LOC112694756: variants seen among roughly 807,000 people sequenced by gnomAD.
chr16:30,065,938 C>T, the LOC112694756 span: 1 of 153,038 alleles, frequency 6.5e-6, no homozygotes, highest in Non-Finnish European at 1.5e-5. Context: ...GTGAGCGCCC[C>T]TCTTCACGTG....
chr16:30,067,045 G>T, the LOC112694756 span: 9 of 1,577,472 alleles, frequency 5.7e-6, no homozygotes, highest in East Asian at 1.9e-4. Flanking sequence ...AAAGGTACAG[G>T]GGCAGGCCTA....
At chr16:30,065,153 T>G in the LOC112694756 span, among the ~76,000 whole-genome samples, 4 of 152,158 alleles carry the variant, frequency 2.6e-5, no homozygotes, top group African/African-American at 9.7e-5. Context: ...AGGTCTCGCC[T>G]CCGCGCGCCG....
the LOC112694756 span, chr16:30,066,916 GA>G: frequency 4.5e-6 from 7 of 1,550,602 alleles, no homozygotes; most frequent in East Asian, 4.9e-5. Context: ...GCGCAAGCCA[GA>G]AGGGTCCAGC....
chr16:30,070,332 CAGT>C, the LOC112694756 span: 31 of 904,614 alleles, frequency 3.4e-5, no homozygotes, highest in African/African-American at 1.3e-4. Context: ...TCCCTCGTGA[CAGT>C]GGTGTGTGGT....
the LOC112694756 span, chr16:30,066,313 G>A: frequency 6.6e-5 from 10 of 152,522 alleles, no homozygotes; most frequent in African/African-American, 2.2e-4. Flanking sequence ...CCTGGGAAAC[G>A]GGGCGCCCTT....
chr16:30,058,475 CT>C, the LOC112694756 span, among the ~76,000 whole-genome samples: 26 of 148,818 alleles, frequency 1.7e-4, no homozygotes, highest in Non-Finnish European at 2.7e-4. Context: ...TGCTCTGCTT[CT>C]TTTTTTTTTC....
the LOC112694756 span, chr16:30,055,348 C>T: frequency 7.5e-6 from 3 of 399,046 alleles, no homozygotes; most frequent in Non-Finnish European, 1.3e-5. Flanking sequence ...TTCCTACCCC[C>T]TGCCCCACTG....
the LOC112694756 span, chr16:30,068,786 C>A: frequency 6.2e-7 from 1 of 1,614,238 alleles, no homozygotes; most frequent in East Asian, 2.2e-5. Context: ...TGCCCCTCCC[C>A]ACCGTGCTCT....
the LOC112694756 span, among the ~76,000 whole-genome samples, chr16:30,059,371 G>A: frequency 9.4e-4 from 142 of 151,766 alleles, no homozygotes; most frequent in African/African-American, 3.3e-3. Flanking sequence ...GGTGGCGGGC[G>A]CCTGTAGTCC....
At chr16:30,059,454 G>A in the LOC112694756 span, among the ~76,000 whole-genome samples, 3 of 151,780 alleles carry the variant, frequency 2.0e-5, no homozygotes, top group Admixed American at 6.6e-5. Flanking sequence ...AGCCGAGATC[G>A]TGCCACTGCA....
the LOC112694756 span, chr16:30,070,244 C>T: frequency 1.2e-6 from 2 of 1,604,720 alleles, no homozygotes; most frequent in Non-Finnish European, 1.7e-6. Context: ...CCCCAACACT[C>T]CAGGCCCTGC....
chr16:30,055,919 C>T, the LOC112694756 span, among the ~76,000 whole-genome samples: 1 of 152,218 alleles, frequency 6.6e-6, no homozygotes, highest in African/African-American at 2.4e-5. Flanking sequence ...CCTGCCTCAG[C>T]CTCCTGAATA....
chr16:30,070,314 C>T, the LOC112694756 span: 9 of 1,099,542 alleles, frequency 8.2e-6, no homozygotes, highest in South Asian at 5.1e-5. Flanking sequence ...CTTGCCCGCG[C>T]TCTTTCTTCC....
the LOC112694756 span, among the ~76,000 whole-genome samples, chr16:30,065,094 CACGCATGCGCG>C: frequency 2.0e-5 from 3 of 152,220 alleles, no homozygotes; most frequent in African/African-American, 7.2e-5. Flanking sequence ...GGAGAGCGCG[CACGCATGCGCG>C]ACCCAGCCCG....
At chr16:30,058,864 G>A in the LOC112694756 span, 1 of 396,332 alleles carries the variant, frequency 2.5e-6, no homozygotes, top group East Asian at 3.6e-5. Flanking sequence ...AAAGATTTAT[G>A]GAGTTACTGT....
the LOC112694756 span, chr16:30,069,200 A>C: frequency 7.1e-7 from 1 of 1,409,702 alleles, no homozygotes; most frequent in South Asian, 1.2e-5. Flanking sequence ...TTGAAGCCTG[A>C]GTCCCTGGCA....
the LOC112694756 span, among the ~76,000 whole-genome samples, chr16:30,062,472 C>A: frequency 1.4e-5 from 2 of 141,850 alleles, no homozygotes; most frequent in Non-Finnish European, 3.0e-5. Context: ...GCGGAGGTTG[C>A]AGTGAGCCGA....
chr16:30,057,651 A>G, the LOC112694756 span, among the ~76,000 whole-genome samples: 35 of 152,076 alleles, frequency 2.3e-4, no homozygotes, highest in Non-Finnish European at 4.3e-4. Flanking sequence ...TTTTGAAGTA[A>G]ATTGTGGGGC....
At chr16:30,061,623 G>A in the LOC112694756 span, among the ~76,000 whole-genome samples, 1 of 137,070 alleles carries the variant, frequency 7.3e-6, no homozygotes, top group African/African-American at 2.7e-5. Flanking sequence ...GCAGTGGGTC[G>A]ATCTCGGCTT....
Sources: gnomAD v4.1 joint callset for allele counts (sites outside exome capture counted in the v4.1 genomes callset) on GRCh38, gnomAD v4.1.1 for gene constraint, MANE v1.5 for transcripts.